The following CLCN4 variants were observed in gnomAD, a reference collection of about 807,000 sequenced individuals.
CLCN4 encodes Cl-/H+ antiporter 4.
Under a neutral mutation model 41.7 loss-of-function variants are expected in CLCN4, and 1 was observed. The observed-to-expected ratio is 0.02, with a 90% CI of 0.01 to 0.11. CLCN4 has a LOEUF of 0.11. CLCN4 is among the 10% of genes least tolerant of loss of function. The pLI, the probability that CLCN4 is intolerant of heterozygous loss-of-function variation, is 1.00. For synonymous variants in CLCN4, 277 were observed against 285.8 expected (o/e 0.97, Z 0.31); for missense variants, 287 against 661.0 (o/e 0.43, Z 6.20).
intron 2 of CLCN4, among the ~76,000 whole-genome samples, chrX:10,180,357 G>A (rs1923643263): frequency 9.0e-6 from 1 of 111,712 alleles, no homozygotes; most frequent in African/African-American, 3.3e-5. Flanking sequence ...TGAACAGCAA[G>A]TGGCAAAAGG....
At chrX:10,183,266 T>C (rs1307382864) in intron 2 of CLCN4, among the ~76,000 whole-genome samples, 1 of 111,998 alleles carries the variant, frequency 8.9e-6, no homozygotes, top group African/African-American at 3.2e-5. Flanking sequence ...CCTCAAACTT[T>C]TAAAGTTTTA....
intron 6 of CLCN4, 106 bp from the exon 7 acceptor site, chrX:10,206,252 T>C: frequency 5.5e-6 from 3 of 542,858 alleles, no homozygotes; most frequent in Non-Finnish European, 9.4e-6. Context: ...TCCATGCTAT[T>C]GAGTGAATCT....
intron 9 of CLCN4, among the ~76,000 whole-genome samples, chrX:10,211,428 A>T (rs1482311723): frequency 1.8e-5 from 2 of 111,133 alleles, no homozygotes; most frequent in Non-Finnish European, 3.8e-5. Context: ...TAGCAAAGGG[A>T]TTTGTTTTCA....
At chrX:10,180,724 G>A (rs185791840) in intron 2 of CLCN4, among the ~76,000 whole-genome samples, 61 of 84,947 alleles carry the variant, frequency 7.2e-4, no homozygotes, top group Middle Eastern at 0.011. Context: ...CTGATATTGC[G>A]CCATTGCACT....
intron 6 of CLCN4, among the ~76,000 whole-genome samples, chrX:10,198,358 A>G (rs1924151504): frequency 8.9e-6 from 1 of 112,329 alleles, no homozygotes; most frequent in Non-Finnish European, 1.9e-5. Context: ...TTCTCAGATG[A>G]TAAAAGCCTT....
At chrX:10,195,274 C>T (rs1209974134) in intron 5 of CLCN4, among the ~76,000 whole-genome samples, 176 bp downstream of exon 5, 1 of 111,007 alleles carries the variant, frequency 9.0e-6, no homozygotes, top group Non-Finnish European at 1.9e-5. Context: ...ACTCAAACTT[C>T]ACTTGCAAAA....
intron 12 of CLCN4, among the ~76,000 whole-genome samples, chrX:10,232,702 A>G (rs926455515): frequency 2.7e-5 from 3 of 111,091 alleles, no homozygotes; most frequent in African/African-American, 9.8e-5. Flanking sequence ...TGGTTGTGCA[A>G]ATGTGCACTG....
At chrX:10,171,836 A>G (rs1038155637) in intron 2 of CLCN4, among the ~76,000 whole-genome samples, 10 of 111,963 alleles carry the variant, frequency 8.9e-5, no homozygotes, top group Non-Finnish European at 1.9e-4. Context: ...TTGAGACAAC[A>G]TGTGTGAAAT....
At chrX:10,162,468 A>G (rs1043903906) in intron 2 of CLCN4, among the ~76,000 whole-genome samples, 1 of 112,600 alleles carries the variant, frequency 8.9e-6, no homozygotes, top group South Asian at 3.6e-4. Flanking sequence ...TTAGGCAGCA[A>G]TAGATAGCTA....
chrX:10,192,244 T>TACACACAC lies in CLCN4; in HGVS notation c.245-2646_245-2639dup, dbSNP rs56033729. On this transcript the variant is annotated intron_variant, in intron 4 of 12. Coordinates refer to ENST00000380833, the MANE Select transcript of CLCN4 (RefSeq NM_001830.4). ...CCCACCACTTATAGACTAGTGGAAG[T>TACACACAC]ACACACACACACACACACACACACA... Among the ~76,000 whole-genome samples, 217 of 100,493 alleles carry TACACACAC rather than the reference T, an allele frequency of 2.2e-3. No homozygotes were observed. The Middle Eastern group carries it at 0.031, about 14-fold the overall frequency. 87.3% of individuals were successfully genotyped at this position (100,493 alleles called of 115,157 possible).
chrX:10,227,266 G>A (rs1925012780), intron 12 of CLCN4, among the ~76,000 whole-genome samples: 1 of 111,156 alleles, frequency 9.0e-6, no homozygotes, highest in African/African-American at 3.3e-5. Flanking sequence ...ATCAATAAAC[G>A]TAATTCATCA....
At chrX:10,225,328 T>G (rs903004649) in intron 12 of CLCN4, among the ~76,000 whole-genome samples, 5 of 112,609 alleles carry the variant, frequency 4.4e-5, no homozygotes, top group African/African-American at 1.6e-4. Context: ...TGGGTTTGAT[T>G]TGCATTTCCC....
chrX:10,209,255 G>T (rs66583906), intron 9 of CLCN4, among the ~76,000 whole-genome samples: 43,657 of 99,068 alleles, frequency 0.44, 8,985 homozygotes, highest in East Asian at 0.93. Flanking sequence ...GACAGCACAT[G>T]CTTTCTTTTC....
chrX:10,226,248 C>T (rs1602167136), intron 12 of CLCN4, among the ~76,000 whole-genome samples: 1 of 83,737 alleles, frequency 1.2e-5, no homozygotes, highest in African/African-American at 5.4e-5. Flanking sequence ...CACTCAAAAC[C>T]ACCACACAAC....
intron 2 of CLCN4, among the ~76,000 whole-genome samples, chrX:10,174,332 G>A (rs1047935599): frequency 1.1e-4 from 12 of 112,364 alleles, no homozygotes; most frequent in Non-Finnish European, 1.9e-4. Context: ...CTGGGGCCAG[G>A]GGCCAGCTTT....
chrX:10,231,950 G>A (rs1377512119), intron 12 of CLCN4, among the ~76,000 whole-genome samples: 1 of 112,163 alleles, frequency 8.9e-6, no homozygotes, highest in African/African-American at 3.2e-5. Context: ...ATTCTGTCCT[G>A]CTTCCTACGT....
intron 6 of CLCN4, among the ~76,000 whole-genome samples, chrX:10,201,528 TCTC>T (rs777933498): frequency 5.4e-5 from 6 of 111,576 alleles, no homozygotes; most frequent in Non-Finnish European, 9.4e-5. Flanking sequence ...GTAAAAAGAA[TCTC>T]CTCCCAGTCA....
intron 9 of CLCN4, among the ~76,000 whole-genome samples, chrX:10,211,265 C>CAAAAAAAAAAAAA (rs71774120): frequency 2.0e-5 from 1 of 48,804 alleles, no homozygotes; most frequent in Non-Finnish European, 3.3e-5. Flanking sequence ...GATTCCGTCT[C>CAAAAAAAAAAAAA]AAAAAAAAAA....
chrX:10,230,007 T>C (rs903727221), intron 12 of CLCN4, among the ~76,000 whole-genome samples: 1 of 112,808 alleles, frequency 8.9e-6, no homozygotes, highest in African/African-American at 3.2e-5. Flanking sequence ...TGTTACAAAC[T>C]ATCCAGCTGT....
Sources: allele counts gnomAD v4.1 joint callset (sites outside exome capture counted in the v4.1 genomes callset), GRCh38; gene constraint gnomAD v4.1.1; transcripts MANE v1.5; gene names NCBI Gene and HGNC (gene_info 2026-07-23, HGNC 2026-07-21).